EPHB6: variants seen among roughly 807,000 people sequenced by gnomAD.
EPHB6 encodes ephrin type-B receptor 6.
In EPHB6, 51 loss-of-function variants were observed where a neutral mutation model predicts 107.0. That is an observed-to-expected ratio of 0.48 (90% confidence interval 0.38 to 0.60). EPHB6 has a LOEUF of 0.60. EPHB6 is among the 20% of genes least tolerant of loss of function. The pLI, the probability that EPHB6 is intolerant of heterozygous loss-of-function variation, is 0.00. For missense variants in EPHB6, 1,141 were observed against 1,355.5 expected, an observed-to-expected ratio of 0.84 and a Z score of 2.48; for synonymous variants, 553 against 549.0, an observed-to-expected ratio of 1.01 and a Z score of -0.10.
Position 142,868,942 on chromosome 7 carries a change from A to T in EPHB6, c.2287-32A>T, listed in dbSNP as rs577845924. ...TTGAGGTCTCCCCCTGTCTCCGATC[A>T]CTGACCTCTGCCCCCTGCCCCTTCC... is the stretch of plus-strand genomic sequence containing the variant. On this transcript the variant is annotated intron_variant, in intron 15 of 19. Coordinates refer to ENST00000652003, the MANE Select transcript of EPHB6 (RefSeq NM_004445.6). The surrounding 1 kb of genome is among the most constrained non-coding windows in gnomAD (Gnocchi z 4.2). The T allele has an allele frequency of 6.2e-7, 1 of 1,602,466 alleles. No homozygotes were observed. The highest frequency in any genetic ancestry group is 1.1e-5 in the South Asian group (1 of 90,780).
At position 142,867,959 on chromosome 7, in the gene EPHB6, A is replaced by T. The variant is rs1467386587; in HGVS notation, c.1866-38A>T. The T allele has an allele frequency of 3.0e-5, 46 of 1,554,544 alleles. No individual in the cohort carries two copies. The highest frequency in any genetic ancestry group is 3.7e-5 in the Non-Finnish European group (42 of 1,149,660). ...ACAAGGGGGCAGCAAGGGGGTGGAA[A>T]TGGGAGCGTCATCCCCAGTCACCGT... On this transcript the variant is annotated intron_variant, in intron 12 of 19. Transcript: ENST00000652003. This position sits in a 1 kb window ranked among gnomAD's most constrained non-coding sequence, Gnocchi z 5.3.
intron 8 of EPHB6, 41 bp from the exon 9 acceptor site, chr7:142,865,919 C>G (rs747612008): frequency 1.1e-5 from 17 of 1,596,834 alleles, no homozygotes; most frequent in South Asian, 6.6e-5. Flanking sequence ...CCCACTGCTG[C>G]CCTCTTGGCC....
Position 142,870,893 on chromosome 7 carries a change from G to T in EPHB6, c.3058G>T (p.Val1020Leu), listed in dbSNP as rs752144795. The T allele has an allele frequency of 2.5e-6, 4 of 1,613,336 alleles. No homozygotes were observed. In the South Asian group the frequency reaches 4.4e-5, roughly 18 times the overall value. ...GCAACACCTGAGGCAGCAGGGCTCA[G>T]TGGAGGTCTGAGAATGACGATACCC... Reference protein sequence around the residue: ...LQQHLRQQGSVEV With the variant: ...LQQHLRQQGSLEV The change falls in exon 20 of 20, where the codon GTG becomes TTG. Residue 1020 changes from valine to leucine, a missense_variant. Val to Leu is a conservative substitution (Grantham distance 32, BLOSUM62 1). Coordinates refer to ENST00000652003, the MANE Select transcript of EPHB6 (RefSeq NM_004445.6).
At chr7:142,862,389 A>G (rs554010367) in intron 3 of EPHB6, among the ~76,000 whole-genome samples, 2 of 152,334 alleles carry the variant, frequency 1.3e-5, no homozygotes, top group South Asian at 4.1e-4. Flanking sequence ...TGTTAAAGCC[A>G]TAGGGTTATT....
chr7:142,862,276 A>G (rs996496504), intron 3 of EPHB6, 143 bp downstream of exon 3: 1 of 152,174 alleles, frequency 6.6e-6, no homozygotes, highest in African/African-American at 2.4e-5. Flanking sequence ...CAACATATGA[A>G]TGGAGGGGGG....
At position 142,868,467 on chromosome 7, in the gene EPHB6, C is replaced by T; in HGVS notation, c.2039-25C>T. 3.7e-6 allele frequency: 6 copies of T among 1,614,206 alleles called. No individual in the cohort carries two copies. The highest frequency in any genetic ancestry group is 5.1e-6 in the Non-Finnish European group (6 of 1,180,042). On this transcript the variant is annotated intron_variant, in intron 14 of 19. Transcript: ENST00000652003. This position sits in a 1 kb window ranked among gnomAD's most constrained non-coding sequence, Gnocchi z 4.2. ...AGGACGCTGTGAGCCTTGATCCCCA[C>T]CCCAACCTACACCTATTTTCCCAGG...
At chr7:142,864,984 C>T (rs758700028) in intron 7 of EPHB6, among the ~76,000 whole-genome samples, 1 of 152,206 alleles carries the variant, frequency 6.6e-6, no homozygotes, top group Non-Finnish European at 1.5e-5. Flanking sequence ...TTGCCTTCTC[C>T]TAAGTCTTCA....
intron 1 of EPHB6, among the ~76,000 whole-genome samples, chr7:142,857,841 G>A (rs1320184584): frequency 6.6e-6 from 1 of 152,240 alleles, no homozygotes; most frequent in East Asian, 1.9e-4. Context: ...CTTCTTGGGA[G>A]ACAAGCTTAA....
rs747410220 is a variant in EPHB6, at chr7:142,863,690, G to C, written c.160G>C (p.Gly54Arg). ...GATTGGCTGGCTCACCTACCCACCA[G>C]GGGGGGTGAGTGCCACTCTAATTCT... is the stretch of plus-strand genomic sequence containing the variant. ...SEIGWLTYPP[G>R]GWDEVSVLDD... is the part of the protein sequence containing the mutation. Residue 54 changes from glycine (G) to arginine (R), a missense_variant, in exon 6 of 20, where the codon GGG becomes CGG. Around this residue, in one of 3 missense-constraint regions of EPHB6, gnomAD observed 221 missense variants for 300.5 expected, o/e 0.74. Transcript: ENST00000652003. 27 of 1,612,168 alleles carry C rather than the reference G, an allele frequency of 1.7e-5. No individual in the cohort carries two copies. Among genetic ancestry groups the C allele is most frequent in the East Asian group, 6.7e-5 (3 of 44,864 alleles).
chr7:142,865,704 C>T lies in EPHB6; in HGVS notation c.1105+74C>T, dbSNP rs1047441159. Reference sequence around the variant, plus strand: ...CCAGAAGTGGGGGTAGCAGGCAACACTGGGGGCTCTTTGCATTTGGAGTGA... The same window carrying T: ...CCAGAAGTGGGGGTAGCAGGCAACATTGGGGGCTCTTTGCATTTGGAGTGA... On this transcript the variant is annotated intron_variant, in intron 8 of 19. Coordinates refer to ENST00000652003, the MANE Select transcript of EPHB6 (RefSeq NM_004445.6). 9.6e-6 allele frequency: 15 copies of T among 1,569,154 alleles called. No individual in the cohort carries two copies. In the African/African-American group the frequency reaches 1.6e-4, roughly 17 times the overall value.
chr7:142,867,076 G>A lies in EPHB6; in HGVS notation c.1750+8G>A. The A allele has an allele frequency of 6.2e-7, 1 of 1,611,820 alleles. No individual in the cohort carries two copies. Among genetic ancestry groups the A allele is most frequent in the Admixed American group, 1.7e-5 (1 of 60,010 alleles). The stretch of plus-strand genomic sequence containing the variant: ...TCCAGACACTTCCTCAAGGTGAGCG[G>A]GGGTCAAGGGCCAGATGGGCAGGTG... On this transcript the variant is annotated splice_region_variant and intron_variant, in intron 11 of 19. Transcript: ENST00000652003. The surrounding 1 kb of genome is among the most constrained non-coding windows in gnomAD (Gnocchi z 5.3).
chr7:142,868,841 T>C lies in EPHB6; in HGVS notation c.2286+102T>C. On this transcript the variant is annotated intron_variant, in intron 15 of 19. Coordinates refer to ENST00000652003, the MANE Select transcript of EPHB6 (RefSeq NM_004445.6). This position sits in a 1 kb window ranked among gnomAD's most constrained non-coding sequence, Gnocchi z 4.2. ...CTTCTTACCACCCCACCTTCCATGG[T>C]CTCCGTCCTTCCTTCCCAGCCATTT... 6.2e-7 allele frequency: 1 copy of C among 1,601,296 alleles called. No homozygotes were observed. The highest frequency in any genetic ancestry group is 1.7e-5 in the Admixed American group (1 of 58,982).
At position 142,866,270 on chromosome 7, in the gene EPHB6, T is replaced by C. The variant is rs1803181243; in HGVS notation, c.1416T>C (p.Pro472=). 1.9e-6 allele frequency: 3 copies of C among 1,614,056 alleles called. No homozygotes were observed. In the South Asian group the frequency reaches 3.3e-5, roughly 18 times the overall value. Residue 472 remains proline, a synonymous_variant, in exon 9 of 20, where the codon CCT becomes CCC. Coordinates refer to ENST00000652003, the MANE Select transcript of EPHB6 (RefSeq NM_004445.6). This position sits in a 1 kb window ranked among gnomAD's most constrained non-coding sequence, Gnocchi z 5.2. ...TTAATGGGGTGTCTGAGCTCAGCCCTGACCCTCCTCAGGCTGCAGCCATCA... is the reference window on the plus strand; with the variant it reads ...TTAATGGGGTGTCTGAGCTCAGCCCCGACCCTCCTCAGGCTGCAGCCATCA... The part of the protein sequence containing the change: ...QAVNGVSELS[P]DPPQAAAINV...
chr7:142,869,956 G>C lies in EPHB6; in HGVS notation c.2600G>C (p.Ser867Thr). Residue 867 changes from serine to threonine, a missense_variant, in exon 17 of 20, where the codon AGT becomes ACT. Ser to Thr is a moderately conservative substitution (Grantham distance 58). Transcript: ENST00000652003. The surrounding 1 kb of genome is among the most constrained non-coding windows in gnomAD (Gnocchi z 4.5). ...SYGERPYWDM[S>T]EQEVLNAIEQ... ...GGAGAACGGCCTTACTGGGACATGA[G>C]TGAGCAGGAGGTGAGCACTGACCTA... is the stretch of plus-strand genomic sequence containing the variant. 1 of 1,614,166 alleles carries C rather than the reference G, an allele frequency of 6.2e-7. No homozygotes were observed. The highest frequency in any genetic ancestry group is 1.1e-5 in the South Asian group (1 of 91,062).
rs548632943 is a variant in EPHB6, at chr7:142,864,134, C to T, written c.334C>T (p.Arg112Trp). 6.8e-6 allele frequency: 11 copies of T among 1,613,902 alleles called. No homozygotes were observed. The highest frequency in any genetic ancestry group is 2.2e-5 in the South Asian group (2 of 91,092). Residue 112 changes from arginine to tryptophan, a missense_variant, in exon 7 of 20, where the codon CGG (arginine) becomes TGG (tryptophan). Arg to Trp is a moderately radical substitution (Grantham distance 101, BLOSUM62 -3). This residue lies in a region of EPHB6 where 221 missense variants were observed against 300.5 expected (regional missense o/e 0.74). Coordinates refer to ENST00000652003, the MANE Select transcript of EPHB6 (RefSeq NM_004445.6). ...GCACATTCGACTCCACTTCTCTGTGCGGGCATGCTCCAGCCTGGGTGTGAG... is the reference window on the plus strand; with the variant it reads ...GCACATTCGACTCCACTTCTCTGTGTGGGCATGCTCCAGCCTGGGTGTGAG... ...RAHIRLHFSVRACSSLGVSGG... is the reference protein window; with the variant it reads ...RAHIRLHFSVWACSSLGVSGG...
rs1474639207 is a variant in EPHB6 at position 142,867,908 on chromosome 7, C to G, written c.1866-89C>G. The G allele has an allele frequency of 1.8e-5, 28 of 1,533,484 alleles. No homozygotes were observed. The highest frequency in any genetic ancestry group is 1.3e-5 in the Non-Finnish European group (15 of 1,132,870). 95.0% of individuals were successfully genotyped at this position (1,533,484 alleles called of 1,614,324 possible). On this transcript the variant is annotated intron_variant, in intron 12 of 19. Transcript: ENST00000652003. This position sits in a 1 kb window ranked among gnomAD's most constrained non-coding sequence, Gnocchi z 5.3. ...CAGGCTGTCGTCCCCCCTCCACAGA[C>G]CGACTAAAGAGCAGTCTGGAGGGTG...
At chr7:142,859,981 C>G (rs559774195) in intron 1 of EPHB6, among the ~76,000 whole-genome samples, 2 of 152,332 alleles carry the variant, frequency 1.3e-5, no homozygotes, top group East Asian at 3.9e-4. Context: ...CGCCCTATTG[C>G]AACCACAAGT....
At chr7:142,864,861 G>A (rs1803068376) in intron 7 of EPHB6, 112 bp downstream of exon 7, 5 of 1,344,402 alleles carry the variant, frequency 3.7e-6, no homozygotes, top group Non-Finnish European at 5.2e-6. Context: ...TCAGGAATAA[G>A]CCATCTTAGG....
At position 142,866,203 on chromosome 7, in the gene EPHB6, G is replaced by T; in HGVS notation, c.1349G>T (p.Gly450Val). The T allele has an allele frequency of 6.2e-7, 1 of 1,614,102 alleles. No homozygotes were observed. The highest frequency in any genetic ancestry group is 8.5e-7 in the Non-Finnish European group (1 of 1,180,002). The change falls in exon 9 of 20, where the codon GGA (glycine) becomes GTA (valine). Residue 450 changes from glycine to valine, a missense_variant. By Grantham distance (109) the Gly-to-Val change is moderately radical. This residue lies in a region of EPHB6 where 616 missense variants were observed against 759.3 expected (regional missense o/e 0.81). Coordinates refer to ENST00000652003, the MANE Select transcript of EPHB6 (RefSeq NM_004445.6). The surrounding 1 kb of genome is among the most constrained non-coding windows in gnomAD (Gnocchi z 5.2). The part of the protein sequence containing the change: ...GLTESRVLVG[G>V]LRAHVPYILE... ...ACTGAGAGCCGAGTGTTAGTGGGGGGACTCCGGGCACACGTACCCTACATC... is the reference window on the plus strand; with the variant it reads ...ACTGAGAGCCGAGTGTTAGTGGGGGTACTCCGGGCACACGTACCCTACATC...
Sources: allele counts gnomAD v4.1 joint callset (sites outside exome capture counted in the v4.1 genomes callset), GRCh38; gene constraint gnomAD v4.1.1; regional missense constraint gnomAD v4.1.1; non-coding constraint Gnocchi (gnomAD v3.1); transcripts MANE v1.5; gene names NCBI Gene and HGNC (gene_info 2026-07-23, HGNC 2026-07-21).